SLCO1C1: variants seen among roughly 807,000 people sequenced by gnomAD.
SLCO1C1 encodes the protein solute carrier organic anion transporter family member 1C1, also known as OAT-RP-5.
SLCO1C1 carries 70 observed loss-of-function variants against 76.4 expected under a neutral mutation model. The ratio of observed to expected loss-of-function variants is 0.92; its 90% CI spans 0.76 to 1.12. SLCO1C1 has a LOEUF of 1.12. Among genes scored for constraint, SLCO1C1 ranks in the 50% most tolerant of loss-of-function variants. SLCO1C1 has a pLI of 0.00. For missense variants in SLCO1C1, 912 were observed against 823.8 expected (o/e 1.11, Z -1.31); for synonymous variants, 306 against 286.1 (o/e 1.07, Z -0.70).
chr12:20,751,026 A>G (rs1949279766), intron 14 of SLCO1C1: 2 of 785,872 alleles, frequency 2.5e-6, no homozygotes, highest in Non-Finnish European at 3.9e-6. Flanking sequence ...CATTTTTAAA[A>G]TATGACAAAA....
intron 11 of SLCO1C1, 78 bp downstream of exon 11, chr12:20,737,350 A>T: frequency 7.1e-7 from 1 of 1,413,866 alleles, no homozygotes; most frequent in Non-Finnish European, 9.4e-7. Context: ...GGCTCACAGC[A>T]GACCACTACT....
At chr12:20,696,019 C>A (rs1946249283) in intron 1 of SLCO1C1, among the ~76,000 whole-genome samples, 1 of 151,942 alleles carries the variant, frequency 6.6e-6, no homozygotes, top group South Asian at 2.1e-4. Context: ...GAGTCTCATG[C>A]TTATAAATTG....
At chr12:20,723,053 C>G (rs1238652226) in intron 8 of SLCO1C1, 37 bp from the exon 9 acceptor site, 1 of 1,574,948 alleles carries the variant, frequency 6.3e-7, no homozygotes, top group Non-Finnish European at 8.6e-7. Flanking sequence ...ATGCGTGACA[C>G]CAACTTTAAT....
At chr12:20,726,746 A>C (rs1447321352) in intron 9 of SLCO1C1, among the ~76,000 whole-genome samples, 1 of 151,996 alleles carries the variant, frequency 6.6e-6, no homozygotes, top group Non-Finnish European at 1.5e-5. Context: ...TGTACAGTGC[A>C]GGTTTGTTAC....
At chr12:20,705,073 A>G (rs1222942546) in intron 3 of SLCO1C1, among the ~76,000 whole-genome samples, 1 of 151,960 alleles carries the variant, frequency 6.6e-6, no homozygotes, top group Non-Finnish European at 1.5e-5. Context: ...ACAAGTTTTC[A>G]TTTCCTTAAC....
At chr12:20,727,080 G>A (rs1565527003) in intron 9 of SLCO1C1, among the ~76,000 whole-genome samples, 1 of 152,132 alleles carries the variant, frequency 6.6e-6, no homozygotes, top group Non-Finnish European at 1.5e-5. Context: ...TGGTGTATAC[G>A]TACCACTTCT....
chr12:20,742,824 C>T (rs962370472), intron 12 of SLCO1C1, among the ~76,000 whole-genome samples: 1 of 152,000 alleles, frequency 6.6e-6, no homozygotes, highest in Non-Finnish European at 1.5e-5. Context: ...CGTGAGCCAC[C>T]GCGCCTGGCC....
chr12:20,743,622 G>A (rs1257975984), intron 13 of SLCO1C1, among the ~76,000 whole-genome samples: 1 of 151,754 alleles, frequency 6.6e-6, no homozygotes. Context: ...CATAATTTTT[G>A]TTTAACAATC....
At chr12:20,711,072 A>C (rs1947072536) in intron 4 of SLCO1C1, among the ~76,000 whole-genome samples, 1 of 152,172 alleles carries the variant, frequency 6.6e-6, no homozygotes, top group African/African-American at 2.4e-5. Context: ...TGAGCTAAAA[A>C]AAATTGCAAA....
At chr12:20,730,344 A>G (rs1321082438) in intron 9 of SLCO1C1, among the ~76,000 whole-genome samples, 3 of 152,154 alleles carry the variant, frequency 2.0e-5, no homozygotes, top group Non-Finnish European at 4.4e-5. Flanking sequence ...AAGGATATAT[A>G]TCAAATTCAT....
At chr12:20,732,787 A>T in intron 9 of SLCO1C1, 122 bp from the exon 10 acceptor site, 1 of 974,906 alleles carries the variant, frequency 1.0e-6, no homozygotes, top group Non-Finnish European at 1.5e-6. Context: ...TGTATATGTC[A>T]GTAGATGATA....
Position 20,723,088 on chromosome 12 carries a change from A to G in SLCO1C1, c.1022-2A>G. ...TTAGTCTATGTTATTTTTGTTTTAC[A>G]GATTTTCTTCCATCACTGAAGAATC... On this transcript the variant is annotated splice_acceptor_variant, in intron 8 of 14. Coordinates refer to ENST00000266509, the MANE Select transcript of SLCO1C1 (RefSeq NM_017435.5). LOFTEE classifies it high-confidence loss of function. The G allele has an allele frequency of 6.2e-7, 1 of 1,601,328 alleles. No individual in the cohort carries two copies. The highest frequency in any genetic ancestry group is 8.5e-7 in the Non-Finnish European group (1 of 1,175,616).
At chr12:20,751,433 G>C (rs1032642457) in intron 14 of SLCO1C1, among the ~76,000 whole-genome samples, 1 of 152,100 alleles carries the variant, frequency 6.6e-6, no homozygotes, top group African/African-American at 2.4e-5. Context: ...TGGCTTAAAA[G>C]CAAGAAAGAT....
intron 13 of SLCO1C1, among the ~76,000 whole-genome samples, chr12:20,750,270 A>G (rs1267891717): frequency 6.6e-6 from 1 of 152,182 alleles, no homozygotes. Flanking sequence ...AGTGTTTAAG[A>G]TATACCTAAT....
intron 9 of SLCO1C1, 24 bp downstream of exon 9, chr12:20,723,278 T>G: frequency 1.2e-6 from 2 of 1,610,444 alleles, no homozygotes; most frequent in Non-Finnish European, 1.7e-6. Context: ...CCTTTCATGC[T>G]TTCTCAGAGG....
chr12:20,750,551 A>C lies in SLCO1C1; in HGVS notation c.1799-124A>C. The stretch of plus-strand genomic sequence containing the variant: ...AGAGATAGGTTTGGGAGATTTCAGC[A>C]TGTAATTGATGGCCTTTCATCTCCA... On this transcript the variant is annotated intron_variant, in intron 13 of 14. Coordinates refer to ENST00000266509, the MANE Select transcript of SLCO1C1 (RefSeq NM_017435.5). The C allele has an allele frequency of 2.5e-6, 2 of 812,246 alleles. 1 individual carries two copies. The highest frequency in any genetic ancestry group is 3.3e-5 in the South Asian group (2 of 61,444). 50.3% of individuals were successfully genotyped at this position (812,246 alleles called of 1,614,324 possible). A position where few individuals can be genotyped will look rare whatever the true frequency, so the allele number is the denominator to read the frequency against.
intron 13 of SLCO1C1, among the ~76,000 whole-genome samples, chr12:20,744,168 C>A (rs1011621235): frequency 1.6e-4 from 24 of 152,064 alleles, no homozygotes; most frequent in African/African-American, 5.5e-4. Context: ...TATATGGCAT[C>A]ATGACTGGCT....
intron 9 of SLCO1C1, among the ~76,000 whole-genome samples, chr12:20,725,812 T>G (rs1333327381): frequency 6.6e-6 from 1 of 151,936 alleles, no homozygotes; most frequent in African/African-American, 2.4e-5. Context: ...CACTTGGAAT[T>G]GTCAATTCTT....
chr12:20,699,428 G>T, intron 1 of SLCO1C1, 124 bp from the exon 2 acceptor site: 1 of 788,274 alleles, frequency 1.3e-6, no homozygotes, highest in Non-Finnish European at 1.9e-6. Flanking sequence ...CCAACTTACT[G>T]TGACAACAAA....
Sources: gnomAD v4.1 joint callset for allele counts (sites outside exome capture counted in the v4.1 genomes callset) on GRCh38, gnomAD v4.1.1 for gene constraint, MANE v1.5 for transcripts, NCBI Gene and HGNC (gene_info 2026-07-23, HGNC 2026-07-21) for gene names.